The following SLC5A11 variants were observed in gnomAD, a reference collection of about 807,000 sequenced individuals.
SLC5A11 encodes solute carrier family 5 member 11.
A neutral mutation model predicts 69.8 loss-of-function variants in SLC5A11; 48 were observed. The ratio of observed to expected loss-of-function variants is 0.69; its 90% CI spans 0.55 to 0.87. SLC5A11 has a LOEUF of 0.87. SLC5A11 is among the 40% of genes least tolerant of loss of function. The pLI, the probability that SLC5A11 is intolerant of heterozygous loss-of-function variation, is 0.00. For synonymous variants in SLC5A11, 319 were observed against 342.4 expected (o/e 0.93, Z 0.75); for missense variants, 784 against 866.1 (o/e 0.91, Z 1.19).
chr16:24,905,647 C>CGT (rs1418441044), intron 10 of SLC5A11, among the ~76,000 whole-genome samples: 1 of 98,178 alleles, frequency 1.0e-5, no homozygotes, highest in Non-Finnish European at 2.2e-5. Context: ...CGCGCACACA[C>CGT]ACACACACAC....
intron 1 of SLC5A11, among the ~76,000 whole-genome samples, chr16:24,853,342 A>G (rs575908837): frequency 1.3e-5 from 2 of 152,224 alleles, no homozygotes; most frequent in African/African-American, 4.8e-5. Context: ...AGCCTGGTAC[A>G]TAGTTGATGC....
At chr16:24,885,082 T>C (rs2048312506) in intron 8 of SLC5A11, among the ~76,000 whole-genome samples, 1 of 152,102 alleles carries the variant, frequency 6.6e-6, no homozygotes, top group African/African-American at 2.4e-5. Context: ...ACCTAGACTT[T>C]AGCATTTCAT....
intron 4 of SLC5A11, among the ~76,000 whole-genome samples, chr16:24,871,425 C>A (rs951185535): frequency 6.6e-6 from 1 of 152,090 alleles, no homozygotes; most frequent in African/African-American, 2.4e-5. Flanking sequence ...TGCACGCCAC[C>A]ATGCCTAGCT....
intron 7 of SLC5A11, among the ~76,000 whole-genome samples, chr16:24,881,022 A>G (rs904793105): frequency 5.3e-5 from 8 of 152,012 alleles, no homozygotes; most frequent in Non-Finnish European, 1.0e-4. Flanking sequence ...TGGCCAATAT[A>G]GTGAAACCCT....
At chr16:24,847,354 C>A (rs560322295) in intron 1 of SLC5A11, among the ~76,000 whole-genome samples, 3 of 139,808 alleles carry the variant, frequency 2.1e-5, no homozygotes, top group African/African-American at 8.0e-5. Context: ...CTTTCTTTCC[C>A]TTTCTCCTTC....
At chr16:24,864,824 G>A (rs274103) in intron 3 of SLC5A11, among the ~76,000 whole-genome samples, 52,205 of 151,696 alleles carry the variant, frequency 0.34, 9,525 homozygotes, top group Non-Finnish European at 0.4. Flanking sequence ...TTTTTTAAGT[G>A]GAAATTATGG....
chr16:24,870,781 C>CAAAAAAAAAAAAAAAAAAAAAAAAA (rs57742222), intron 4 of SLC5A11, among the ~76,000 whole-genome samples: 1 of 66,548 alleles, frequency 1.5e-5, no homozygotes, highest in Non-Finnish European at 2.7e-5. Context: ...CTCTGTCTCA[C>CAAAAAAAAAAAAAAAAAAAAAAAAA]AAAAAAAAAA....
intron 5 of SLC5A11, among the ~76,000 whole-genome samples, chr16:24,875,126 A>G (rs1311918839): frequency 1.3e-5 from 2 of 152,162 alleles, no homozygotes; most frequent in African/African-American, 4.8e-5. Flanking sequence ...GGTGTAAGCC[A>G]TCGTGCATGG....
intron 8 of SLC5A11, among the ~76,000 whole-genome samples, chr16:24,886,138 G>A (rs964036284): frequency 1.3e-5 from 2 of 151,448 alleles, no homozygotes; most frequent in South Asian, 2.1e-4. Context: ...GGGTTCAAGC[G>A]ATTCTCCTGC....
intron 10 of SLC5A11, among the ~76,000 whole-genome samples, chr16:24,899,555 C>A (rs1396646174): frequency 6.6e-6 from 1 of 152,022 alleles, no homozygotes; most frequent in African/African-American, 2.4e-5. Context: ...AGGCATGCAC[C>A]ACCATGCCCG....
intron 4 of SLC5A11, among the ~76,000 whole-genome samples, chr16:24,870,532 C>A (rs1372967480): frequency 6.6e-6 from 1 of 151,286 alleles, no homozygotes; most frequent in Non-Finnish European, 1.5e-5. Context: ...GTAATCCCAG[C>A]ACTTTGGGAG....
At chr16:24,888,559 C>T (rs1301737189) in intron 8 of SLC5A11, among the ~76,000 whole-genome samples, 1 of 141,602 alleles carries the variant, frequency 7.1e-6, no homozygotes, top group African/African-American at 2.6e-5. Flanking sequence ...TCTCAGCTCA[C>T]TGCAACCTCC....
chr16:24,849,104 A>G (rs2059152747), intron 1 of SLC5A11, among the ~76,000 whole-genome samples: 6 of 152,186 alleles, frequency 3.9e-5, no homozygotes, highest in Admixed American at 2.0e-4. Flanking sequence ...AGACCACTTG[A>G]TAAGTGAACA....
At chr16:24,891,712 T>C (rs1405251688) in intron 9 of SLC5A11, among the ~76,000 whole-genome samples, 1 of 152,154 alleles carries the variant, frequency 6.6e-6, no homozygotes, top group Admixed American at 6.6e-5. Flanking sequence ...TTGGACATCA[T>C]TTGTTCAACA....
chr16:24,883,130 C>T (rs894172942), intron 7 of SLC5A11, among the ~76,000 whole-genome samples: 5 of 152,136 alleles, frequency 3.3e-5, no homozygotes, highest in Admixed American at 1.3e-4. Context: ...CTTGGGAGGC[C>T]GAGGCAGGAG....
chr16:24,886,372 G>A (rs930558906), intron 8 of SLC5A11, among the ~76,000 whole-genome samples: 1 of 138,102 alleles, frequency 7.2e-6, no homozygotes, highest in Non-Finnish European at 1.7e-5. Context: ...AGAGAAAAGG[G>A]ATAAATAATA....
intron 1 of SLC5A11, among the ~76,000 whole-genome samples, chr16:24,849,593 A>AAAAAAAAAAAAAAAATATATAT: frequency 2.8e-5 from 1 of 35,922 alleles, no homozygotes; most frequent in African/African-American, 9.2e-5. Flanking sequence ...AAAAAAAAAA[A>AAAAAAAAAAAAAAAATATATAT]ATATATATAT....
intron 1 of SLC5A11, among the ~76,000 whole-genome samples, chr16:24,858,317 G>A (rs1447371378): frequency 6.6e-6 from 1 of 152,158 alleles, no homozygotes; most frequent in Non-Finnish European, 1.5e-5. Context: ...TCTGGGACAC[G>A]TGCTTGCTGA....
At chr16:24,885,886 G>A (rs942496443) in intron 8 of SLC5A11, among the ~76,000 whole-genome samples, 5 of 151,296 alleles carry the variant, frequency 3.3e-5, no homozygotes, top group African/African-American at 7.3e-5. Flanking sequence ...GAATAGAAGC[G>A]GATAAAAAGG....
Sources: allele counts gnomAD v4.1 joint callset (sites outside exome capture counted in the v4.1 genomes callset), GRCh38; gene constraint gnomAD v4.1.1; transcripts MANE v1.5; gene names NCBI Gene and HGNC (gene_info 2026-07-23, HGNC 2026-07-21).